Variants in ANKRD28 observed in about 807,000 individuals in gnomAD.
The protein encoded by ANKRD28 is serine/threonine-protein phosphatase 6 regulatory ankyrin repeat subunit A.
In ANKRD28, 44 loss-of-function variants were observed where a neutral mutation model predicts 126.5. The observed-to-expected ratio is 0.35, with a 90% CI of 0.27 to 0.45. The LOEUF (loss-of-function observed/expected upper bound fraction) is 0.45. Ranked by LOEUF, ANKRD28 falls within the 20% of genes least tolerant of loss-of-function variation. ANKRD28 has a pLI of 1.00. For synonymous variants in ANKRD28, 442 were observed against 468.5 expected, an observed-to-expected ratio of 0.94 and a Z score of 0.73; for missense variants, 1,110 against 1,316.6, an observed-to-expected ratio of 0.84 and a Z score of 2.43.
At chr3:15,850,202 AAAAT>A (rs1174233827) in intron 1 of ANKRD28, among the ~76,000 whole-genome samples, 15 of 55,108 alleles carry the variant, frequency 2.7e-4, no homozygotes, top group Non-Finnish European at 4.6e-4. Flanking sequence ...AAAAAAAAAA[AAAAT>A]ATATATATAT....
intron 6 of ANKRD28, among the ~76,000 whole-genome samples, chr3:15,734,365 A>AG (rs373616988): frequency 3.1e-4 from 47 of 152,372 alleles, no homozygotes; most frequent in Non-Finnish European, 6.5e-4. Flanking sequence ...GGCTCTTAGA[A>AG]AAGTGGTTAA....
intron 4 of ANKRD28, among the ~76,000 whole-genome samples, chr3:15,744,776 G>A (rs867140965): frequency 6.6e-6 from 1 of 152,084 alleles, no homozygotes; most frequent in Non-Finnish European, 1.5e-5. Context: ...TGGTGGGATT[G>A]CTGGATCAAA....
chr3:15,790,552 A>G (rs992423800), intron 2 of ANKRD28, among the ~76,000 whole-genome samples: 5 of 152,126 alleles, frequency 3.3e-5, no homozygotes, highest in Non-Finnish European at 5.9e-5. Flanking sequence ...TGATCATTTC[A>G]ACTGATGTTG....
At position 15,815,162 on chromosome 3, in the gene ANKRD28, A is replaced by G. The variant is rs569601547; in HGVS notation, c.28-19856T>C. 6.5e-4 allele frequency among the ~76,000 whole-genome samples: 99 copies of G among 152,184 alleles called. No individual in the cohort carries two copies. Among genetic ancestry groups the G allele is most frequent in the African/African-American group, 2.3e-3 (97 of 41,544 alleles). On this transcript the variant is annotated intron_variant, in intron 1 of 27. Transcript: ENST00000399451. This position sits in a 1 kb window ranked among gnomAD's most constrained non-coding sequence, Gnocchi z 4.1. Reference sequence around the variant, plus strand: ...CAAGATAAAAAATAAAATTCCCACAAGTTAATTTTAGTGAAATGGCTTGTC... The same window carrying G: ...CAAGATAAAAAATAAAATTCCCACAGGTTAATTTTAGTGAAATGGCTTGTC...
intron 3 of ANKRD28, among the ~76,000 whole-genome samples, chr3:15,759,961 T>TG (rs1352401938): frequency 6.6e-6 from 1 of 152,092 alleles, no homozygotes; most frequent in African/African-American, 2.4e-5. Context: ...AAGAATAAAG[T>TG]GGGGCAGTGC....
At position 15,796,442 on chromosome 3, in the gene ANKRD28, T is replaced by G; in HGVS notation, c.80A>C (p.Asn27Thr). The stretch of plus-strand genomic sequence containing the variant: ...AGAAGGTGGAGAATGTAGGGATTTA[T>G]TTTCCTGTGGCAATTTAGAAATGAA... ...PAFISKLPQENKSLHSPPSGN... is the reference protein window; with the variant it reads ...PAFISKLPQETKSLHSPPSGN... The change falls in exon 1 of 28, where the codon AAT becomes ACT. Residue 27 changes from asparagine to threonine, a missense_variant. Transcript: ENST00000683139. 1 of 1,288,540 alleles carries G rather than the reference T, an allele frequency of 7.8e-7. No individual in the cohort carries two copies. Among genetic ancestry groups the G allele is most frequent in the South Asian group, 1.2e-5 (1 of 80,900 alleles). 79.8% of individuals were successfully genotyped at this position (1,288,540 alleles called of 1,614,324 possible). A position where few individuals can be genotyped will look rare whatever the true frequency, so the allele number is the denominator to read the frequency against.
Position 15,795,496 on chromosome 3 carries a change from T to TA in ANKRD28, c.118-191dup, listed in dbSNP as rs888296367. On this transcript the variant is annotated intron_variant, in intron 1 of 27. Coordinates refer to ENST00000683139, the MANE Select transcript of ANKRD28 (RefSeq NM_001349278.2). ...CCTACTTGGAAAAAAAAGGCCTAAT[T>TA]AAAAAAAAAAATCAATTCAGTTTGA... is the stretch of plus-strand genomic sequence containing the variant. Among the ~76,000 whole-genome samples, 80 of 147,348 alleles carry TA rather than the reference T, an allele frequency of 5.4e-4. 2 individuals are homozygous for TA. The highest frequency in any genetic ancestry group is 4.5e-3 in the South Asian group (21 of 4,692).
intron 1 of ANKRD28, among the ~76,000 whole-genome samples, chr3:15,841,272 G>C (rs1332232168): frequency 6.6e-6 from 1 of 152,168 alleles, no homozygotes; most frequent in African/African-American, 2.4e-5. Context: ...CACTCTTCAG[G>C]ACACTGACTG....
At chr3:15,801,558 C>A (rs1427582000), upstream of ANKRD28, among the ~76,000 whole-genome samples, 1 of 152,140 alleles carries the variant, frequency 6.6e-6, no homozygotes, top group African/African-American at 2.4e-5. The surrounding 1 kb of genome is among the most constrained non-coding windows in gnomAD (Gnocchi z 4.9). Flanking sequence ...ACATTTCTGA[C>A]AGATCAAGAA....
intron 4 of ANKRD28, among the ~76,000 whole-genome samples, chr3:15,751,215 C>T (rs963690979): frequency 6.6e-6 from 1 of 152,120 alleles, no homozygotes; most frequent in Non-Finnish European, 1.5e-5. Flanking sequence ...CTAAAAATGT[C>T]AGTTATCTCA....
chr3:15,736,379 A>G (rs1559435262), intron 5 of ANKRD28, among the ~76,000 whole-genome samples: 1 of 152,222 alleles, frequency 6.6e-6, no homozygotes. Flanking sequence ...TCCTCTGTAG[A>G]TAAGTGGGAA....
intron 4 of ANKRD28, among the ~76,000 whole-genome samples, chr3:15,742,180 G>A (rs4452311): frequency 0.62 from 92,302 of 148,586 alleles, 29,714 homozygotes; most frequent in East Asian, 0.91. Context: ...AGTGAGGAGC[G>A]TCTCTGCCTG....
At chr3:15,708,316 C>T (rs2071744390) in intron 13 of ANKRD28, among the ~76,000 whole-genome samples, 1 of 152,106 alleles carries the variant, frequency 6.6e-6, no homozygotes, top group South Asian at 2.1e-4. Flanking sequence ...TAGCAGCAAT[C>T]CCAGTCCCAG....
intron 6 of ANKRD28, chr3:15,731,890 T>TGG (rs2074653525): frequency 4.5e-5 from 2 of 44,430 alleles, no homozygotes; most frequent in African/African-American, 1.6e-4. Context: ...GGGGGGTGTG[T>TGG]GGGGAGGGGA....
intron 1 of ANKRD28, among the ~76,000 whole-genome samples, chr3:15,824,288 G>A (rs2061011639): frequency 6.6e-6 from 1 of 152,180 alleles, no homozygotes; most frequent in Non-Finnish European, 1.5e-5. Flanking sequence ...CTGAGTAGCT[G>A]GGACCATAGG....
chr3:15,801,315 C>T (rs774728350), upstream of ANKRD28, among the ~76,000 whole-genome samples: 2 of 152,068 alleles, frequency 1.3e-5, no homozygotes, highest in Non-Finnish European at 2.9e-5. This position sits in a 1 kb window ranked among gnomAD's most constrained non-coding sequence, Gnocchi z 4.9. Flanking sequence ...AATTGTTACA[C>T]CTGAATTTCT....
chr3:15,848,003 A>G (rs9876303), intron 1 of ANKRD28, among the ~76,000 whole-genome samples: 6,229 of 152,280 alleles, frequency 0.041, 416 homozygotes, highest in African/African-American at 0.14. Context: ...CTGTGTTGCA[A>G]CCATATTTAC....
intron 3 of ANKRD28, among the ~76,000 whole-genome samples, chr3:15,755,712 G>A (rs1021026513): frequency 1.3e-5 from 2 of 152,172 alleles, no homozygotes; most frequent in Admixed American, 1.3e-4. Flanking sequence ...AAAACCAAAT[G>A]TCGTTAACCG....
Position 15,786,941 on chromosome 3 carries a change from T to C in ANKRD28, c.201+8282A>G, listed in dbSNP as rs2059809639. ...TAATAATATATTTAATAACAGATAA[T>C]AAATACATTTAAAATTTTTTGCTTG... On this transcript the variant is annotated intron_variant, in intron 2 of 27. Transcript: ENST00000683139. 3.3e-5 allele frequency among the ~76,000 whole-genome samples: 5 copies of C among 152,074 alleles called. No homozygotes were observed. The South Asian group carries it at 1.0e-3, about 31-fold the overall frequency.
Sources: allele counts gnomAD v4.1 joint callset (sites outside exome capture counted in the v4.1 genomes callset), GRCh38; gene constraint gnomAD v4.1.1; non-coding constraint Gnocchi (gnomAD v3.1); transcripts MANE v1.5; gene names NCBI Gene and HGNC (gene_info 2026-07-23, HGNC 2026-07-21).